Variants in KLC1 observed in about 807,000 individuals in gnomAD.
The protein encoded by KLC1 is kinesin light chain 1, also known as kinesin 2 60/70kDa.
In KLC1, 30 loss-of-function variants were observed where a neutral mutation model predicts 84.2. The observed-to-expected ratio is 0.36, with a 90% confidence interval of 0.27 to 0.48. The LOEUF (loss-of-function observed/expected upper bound fraction) is 0.48. KLC1 is among the 20% of genes least tolerant of loss of function. KLC1 has a pLI of 0.99. For missense variants in KLC1, 499 were observed against 805.4 expected, an observed-to-expected ratio of 0.62 and a Z score of 4.60; for synonymous variants, 289 against 293.3, an observed-to-expected ratio of 0.99 and a Z score of 0.15.
chr14:103,695,807 G>A (rs2082424032), intron 15 of KLC1: 1 of 985,390 alleles, frequency 1.0e-6, no homozygotes, highest in Non-Finnish European at 1.2e-6. Context: ...GGTAAGAGAA[G>A]CCAGGGGGCC....
At chr14:103,655,912 T>A (rs1489397785) in intron 2 of KLC1, among the ~76,000 whole-genome samples, 1 of 152,220 alleles carries the variant, frequency 6.6e-6, no homozygotes, top group Admixed American at 6.5e-5. Context: ...TTGATTTGGC[T>A]GCCAGTATCA....
In KLC1 at chr14:103,673,143, C is replaced by G. The variant is rs750866404; in HGVS notation, c.1117C>G (p.Leu373Val). 2 of 1,613,884 alleles carry G rather than the reference C, an allele frequency of 1.2e-6. No homozygotes were observed. Among genetic ancestry groups the G allele is most frequent in the Non-Finnish European group, 1.7e-6 (2 of 1,180,004 alleles). The change falls in exon 8 of 17, where the codon CTG becomes GTG. Residue 373 changes from leucine (L) to valine (V), a missense_variant. Physicochemically the swap from Leu to Val is conservative, Grantham distance 32. This residue lies in a region of KLC1 where 153 missense variants were observed against 332.4 expected (regional missense o/e 0.46). Transcript: ENST00000334553. ...QRALEIYQTKLGPDDPNVAKT... is the reference protein window; with the variant it reads ...QRALEIYQTKVGPDDPNVAKT... ...AGCCCTCGAGATCTACCAGACAAAA[C>G]TGGGACCTGATGACCCCAACGTGGC...
intron 5 of KLC1, among the ~76,000 whole-genome samples, chr14:103,668,841 G>A (rs1045106473): frequency 4.6e-5 from 7 of 151,342 alleles, no homozygotes; most frequent in Non-Finnish European, 8.8e-5. Flanking sequence ...GCAGTGGCAC[G>A]ATCTCTGCTC....
At chr14:103,678,697 G>GAA (rs369328870) in intron 12 of KLC1, among the ~76,000 whole-genome samples, 2 of 138,050 alleles carry the variant, frequency 1.4e-5, no homozygotes, top group Non-Finnish European at 3.2e-5. Context: ...CTCAAAGAAA[G>GAA]AAAAAAAAAA....
intron 3 of KLC1, among the ~76,000 whole-genome samples, chr14:103,657,989 C>T (rs531304373): frequency 1.3e-5 from 2 of 152,360 alleles, no homozygotes; most frequent in South Asian, 4.1e-4. Context: ...TCTGCCCCAG[C>T]TTAGGCTCTG....
At chr14:103,662,301 G>A in intron 4 of KLC1, 107 bp downstream of exon 4, 1 of 904,366 alleles carries the variant, frequency 1.1e-6, no homozygotes, top group Non-Finnish European at 1.8e-6. Flanking sequence ...CGGCCTGCCT[G>A]GAGGAAGCAC....
At chr14:103,682,962 C>T (rs140400358) in intron 13 of KLC1, 2 of 151,946 alleles carry the variant, frequency 1.3e-5, no homozygotes, top group African/African-American at 4.8e-5. Context: ...CATTGTGCCT[C>T]CCTGTTGGGA....
chr14:103,631,585 T>G (rs1413948674), intron 1 of KLC1, among the ~76,000 whole-genome samples: 1 of 152,122 alleles, frequency 6.6e-6, no homozygotes, highest in Non-Finnish European at 1.5e-5. Flanking sequence ...AAGTGGAATG[T>G]TAGAAACCAG....
chr14:103,646,209 C>G (rs1195432189), intron 1 of KLC1, among the ~76,000 whole-genome samples: 1 of 152,142 alleles, frequency 6.6e-6, no homozygotes, highest in African/African-American at 2.4e-5. Flanking sequence ...TTAAAATTCC[C>G]AAGGCCTTCT....
In KLC1 at chr14:103,629,472, G is replaced by T. The variant is rs2076496395; in HGVS notation, c.-24G>T. On this transcript the variant is annotated 5_prime_UTR_variant, in exon 1 of 17. Transcript: ENST00000334553. Reference sequence around the variant, plus strand: ...CTCCAGGTGCTGACAGCGCGAGAGAGCGCGGCCCTCAGGAGCAAGGCGGTG... The same window carrying T: ...CTCCAGGTGCTGACAGCGCGAGAGATCGCGGCCCTCAGGAGCAAGGCGGTG... The T allele has an allele frequency of 6.6e-6, 1 of 152,362 alleles. No homozygotes were observed. Among genetic ancestry groups the T allele is most frequent in the Non-Finnish European group, 1.5e-5 (1 of 68,196 alleles). The allele number at this position is 152,362 out of a possible 1,614,324, so 9.4% of individuals were successfully genotyped here.
At chr14:103,636,079 C>T (rs909264718) in intron 1 of KLC1, among the ~76,000 whole-genome samples, 9 of 152,098 alleles carry the variant, frequency 5.9e-5, no homozygotes, top group Non-Finnish European at 1.3e-4. Flanking sequence ...ATATGCACAT[C>T]GTTGTTCCAC....
At chr14:103,635,344 C>T (rs1477288421) in intron 1 of KLC1, among the ~76,000 whole-genome samples, 1 of 152,112 alleles carries the variant, frequency 6.6e-6, no homozygotes, top group Non-Finnish European at 1.5e-5. Flanking sequence ...GTACTGTAAA[C>T]CCTGCGGATG....
At chr14:103,655,145 T>G (rs1220940485) in intron 2 of KLC1, among the ~76,000 whole-genome samples, 2 of 151,998 alleles carry the variant, frequency 1.3e-5, no homozygotes, top group Admixed American at 1.3e-4. Flanking sequence ...GAGAATCACT[T>G]GAACCTGGGA....
At chr14:103,699,969 T>C in intron 15 of KLC1, 1 of 322,134 alleles carries the variant, frequency 3.1e-6, no homozygotes, top group South Asian at 2.7e-5. Context: ...AGCCCCCTCC[T>C]TCAGTGGCCC....
At chr14:103,664,766 C>T (rs190833081) in intron 5 of KLC1, among the ~76,000 whole-genome samples, 5 of 149,576 alleles carry the variant, frequency 3.3e-5, no homozygotes, top group South Asian at 4.3e-4. Flanking sequence ...CTGCTCAGCT[C>T]GGTACCCCAT....
intron 15 of KLC1, chr14:103,695,910 C>T (rs2082436066): frequency 1.0e-6 from 1 of 985,276 alleles, no homozygotes; most frequent in Non-Finnish European, 1.2e-6. Context: ...TGAACCCTTC[C>T]ACCCAATAGA....
At position 103,657,837 on chromosome 14, in the gene KLC1, T is replaced by C. The variant is rs1340625138; in HGVS notation, c.492+61T>C. The C allele has an allele frequency of 1.7e-5, 21 of 1,221,030 alleles. No individual in the cohort carries two copies. In the Admixed American group the frequency reaches 4.0e-4, roughly 23 times the overall value. 75.6% of individuals were successfully genotyped at this position (1,221,030 alleles called of 1,614,324 possible). On this transcript the variant is annotated intron_variant, in intron 3 of 16. Transcript: ENST00000334553. ...TAAAATGGAGTCACTGGGAAAGTCA[T>C]AGAGGTTCTGTTTGCCATATTCTTT... is the stretch of plus-strand genomic sequence containing the variant.
intron 1 of KLC1, among the ~76,000 whole-genome samples, chr14:103,638,617 A>C (rs1282256008): frequency 1.4e-5 from 2 of 147,784 alleles, no homozygotes; most frequent in Non-Finnish European, 3.0e-5. Context: ...ACCAAAGATG[A>C]TGCCCTTTGC....
intron 6 of KLC1, 59 bp from the exon 7 acceptor site, chr14:103,670,122 TA>T: frequency 9.3e-7 from 1 of 1,079,962 alleles, no homozygotes; most frequent in Non-Finnish European, 1.3e-6. Flanking sequence ...ATGTGGTGTA[TA>T]AATGTACTCT....
Sources: gnomAD v4.1 joint callset for allele counts (sites outside exome capture counted in the v4.1 genomes callset) on GRCh38, gnomAD v4.1.1 for gene constraint, gnomAD v4.1.1 regional missense constraint, MANE v1.5 for transcripts, NCBI Gene and HGNC (gene_info 2026-07-23, HGNC 2026-07-21) for gene names.